Variants in OXR1 observed in about 807,000 individuals in gnomAD.
OXR1 encodes oxidation resistance 1.
Under a neutral mutation model 104.6 loss-of-function variants are expected in OXR1, and 41 were observed. That is an observed-to-expected ratio of 0.39 (90% CI 0.31 to 0.51). The LOEUF is 0.51. OXR1 is among the 20% of genes least tolerant of loss of function. The pLI, the probability that OXR1 is intolerant of heterozygous loss-of-function variation, is 0.77. For missense variants in OXR1, 955 were observed against 1,031.9 expected, an observed-to-expected ratio of 0.93 and a Z score of 1.02; for synonymous variants, 348 against 348.4, an observed-to-expected ratio of 1.00 and a Z score of 0.01.
At chr8:106,435,351 C>T (rs1819527370) in intron 2 of OXR1, among the ~76,000 whole-genome samples, 1 of 152,112 alleles carries the variant, frequency 6.6e-6, no homozygotes, top group Non-Finnish European at 1.5e-5. Context: ...TTGACAGAGT[C>T]TCTACTTGAA....
At chr8:106,706,193 T>G (rs1445272095) in intron 8 of OXR1, among the ~76,000 whole-genome samples, 189 bp from the exon 9 acceptor site, 1 of 152,170 alleles carries the variant, frequency 6.6e-6, no homozygotes, top group Non-Finnish European at 1.5e-5. Context: ...ATTTATAGAA[T>G]TACTTGGTCT....
chr8:106,732,241 A>G (rs934783754), intron 11 of OXR1, among the ~76,000 whole-genome samples: 1 of 152,154 alleles, frequency 6.6e-6, no homozygotes, highest in Non-Finnish European at 1.5e-5. Flanking sequence ...AAAGCCTGCC[A>G]TGATCACTTA....
intron 10 of OXR1, 90 bp downstream of exon 10, chr8:106,710,880 T>G (rs1831618558): frequency 1.2e-6 from 1 of 805,734 alleles, no homozygotes; most frequent in Non-Finnish European, 1.8e-6. Context: ...GATAAACTAT[T>G]GAAACATAGT....
At chr8:106,324,581 C>T (rs1814382420) in intron 1 of OXR1, among the ~76,000 whole-genome samples, 1 of 151,098 alleles carries the variant, frequency 6.6e-6, no homozygotes. Context: ...TCTGGCAATA[C>T]ATGTTATGCA....
intron 3 of OXR1, among the ~76,000 whole-genome samples, chr8:106,600,207 A>T (rs986695279): frequency 3.9e-5 from 6 of 152,224 alleles, no homozygotes; most frequent in Non-Finnish European, 1.5e-5. Context: ...TGTAAGTAAT[A>T]GGAGTAATGG....
chr8:106,738,918 G>T (rs937855508), intron 12 of OXR1, among the ~76,000 whole-genome samples: 1 of 151,868 alleles, frequency 6.6e-6, no homozygotes, highest in South Asian at 2.1e-4. Flanking sequence ...AAATGGTAAC[G>T]TTTGTCAGTG....
chr8:106,357,085 G>A (rs1342020027), intron 1 of OXR1, among the ~76,000 whole-genome samples: 1 of 151,884 alleles, frequency 6.6e-6, no homozygotes, highest in Non-Finnish European at 1.5e-5. Context: ...TTTAGTAAAA[G>A]CAATTTGATT....
At chr8:106,674,353 C>T (rs1348724976) in intron 3 of OXR1, among the ~76,000 whole-genome samples, 1 of 152,166 alleles carries the variant, frequency 6.6e-6, no homozygotes, top group Non-Finnish European at 1.5e-5. Flanking sequence ...CCTGTAGTCC[C>T]TTTGGTTTGC....
rs71307078 is a variant in OXR1, at chr8:106,637,761, CT to C, written c.221-41430del. 3.8e-3 allele frequency among the ~76,000 whole-genome samples: 484 copies of C among 128,372 alleles called. 2 individuals are homozygous for C. Among genetic ancestry groups the C allele is most frequent in the African/African-American group, 8.7e-3 (296 of 34,096 alleles). The allele number at this position is 128,372 out of a possible 152,430, so 84.2% of individuals were successfully genotyped here. A position where few individuals can be genotyped will look rare whatever the true frequency, so the allele number is the denominator to read the frequency against. ...TACTCTAGACACTACATAGTTTCGA[CT>C]TTTTTTTTTTTTTTTTTTAGACGGA... On this transcript the variant is annotated intron_variant, in intron 3 of 16. Transcript: ENST00000517566.
At chr8:106,490,230 C>T (rs1428547921) in intron 2 of OXR1, among the ~76,000 whole-genome samples, 1 of 152,094 alleles carries the variant, frequency 6.6e-6, no homozygotes, top group Non-Finnish European at 1.5e-5. Context: ...ATTTGAAAGC[C>T]ACTGATGGAT....
At chr8:106,485,905 G>A (rs1810619173) in intron 2 of OXR1, among the ~76,000 whole-genome samples, 1 of 148,690 alleles carries the variant, frequency 6.7e-6, no homozygotes, top group African/African-American at 2.5e-5. Context: ...ACCTAAAAAA[G>A]TTGATCTCAT....
At chr8:106,716,157 T>C (rs1019912700) in intron 11 of OXR1, among the ~76,000 whole-genome samples, 6 of 152,218 alleles carry the variant, frequency 3.9e-5, no homozygotes, top group African/African-American at 1.4e-4. Flanking sequence ...AATCTAAATA[T>C]GATCTAAATC....
intron 3 of OXR1, among the ~76,000 whole-genome samples, chr8:106,649,623 T>C (rs1824381439): frequency 6.6e-6 from 1 of 151,688 alleles, no homozygotes. Flanking sequence ...ACACGTATTA[T>C]CTGGTTAATG....
Position 106,739,465 on chromosome 8 carries a change from C to A in OXR1, c.2045C>A (p.Thr682Lys). The A allele has an allele frequency of 6.2e-7, 1 of 1,612,014 alleles. No homozygotes were observed. ...CTCTATTTACTGTTTTAGATTACTACAAGGGAAGACATAAATTCAAAGCAG... is the reference window on the plus strand; with the variant it reads ...CTCTATTTACTGTTTTAGATTACTAAAAGGGAAGACATAAATTCAAAGCAG... ...RTLCRRLQIT[T>K]REDINSKQVA... Residue 682 changes from threonine (T) to lysine (K), a missense_variant, in exon 13 of 17, where the codon ACA (threonine) becomes AAA (lysine). Around this residue, in one of 2 missense-constraint regions of OXR1, gnomAD observed 849 missense variants for 852.9 expected, o/e 1.00. Transcript: ENST00000517566.
intron 1 of OXR1, among the ~76,000 whole-genome samples, chr8:106,319,553 A>G (rs1412516865): frequency 6.6e-6 from 1 of 152,252 alleles, no homozygotes; most frequent in East Asian, 1.9e-4. Flanking sequence ...AGGGAATTTT[A>G]AAAGCCCTTT....
intron 3 of OXR1, among the ~76,000 whole-genome samples, chr8:106,575,563 C>A (rs997471614): frequency 1.3e-5 from 2 of 151,938 alleles, no homozygotes; most frequent in Non-Finnish European, 2.9e-5. Flanking sequence ...TATGAACAGT[C>A]CTGCCTGTGT....
At chr8:106,482,108 C>T (rs865944688) in intron 2 of OXR1, among the ~76,000 whole-genome samples, 1 of 151,818 alleles carries the variant, frequency 6.6e-6, no homozygotes, top group Admixed American at 6.6e-5. Flanking sequence ...TTAAATATAT[C>T]GTGGGTATTT....
At chr8:106,484,879 A>T (rs898065279) in intron 2 of OXR1, among the ~76,000 whole-genome samples, 13 of 152,090 alleles carry the variant, frequency 8.5e-5, no homozygotes, top group African/African-American at 2.9e-4. Context: ...CTACCTACTG[A>T]TATTTAAAGC....
At chr8:106,697,834 G>A (rs529495502) in intron 7 of OXR1, 11 of 1,612,348 alleles carry the variant, frequency 6.8e-6, no homozygotes, top group South Asian at 2.2e-5. Context: ...ACATAACACC[G>A]TGCCATCCTT....
Sources: gnomAD v4.1 joint callset for allele counts (sites outside exome capture counted in the v4.1 genomes callset) on GRCh38, gnomAD v4.1.1 for gene constraint, gnomAD v4.1.1 regional missense constraint, MANE v1.5 for transcripts, NCBI Gene and HGNC (gene_info 2026-07-23, HGNC 2026-07-21) for gene names.